The following ASIP variants were observed in gnomAD, a reference collection of about 807,000 sequenced individuals.
ASIP encodes the protein agouti-signaling protein.
In ASIP, 11 loss-of-function variants were observed where a neutral mutation model predicts 10.3. That is an observed-to-expected ratio of 1.07 (90% CI 0.68 to 1.78). ASIP has a LOEUF of 1.78. Among genes scored for constraint, ASIP ranks in the 40% most tolerant of loss-of-function variants. The pLI is 0.00. For synonymous variants in ASIP, 70 were observed against 70.8 expected (o/e 0.99, Z 0.06); for missense variants, 180 against 169.2 (o/e 1.06, Z -0.35).
At chr20:34,248,640 TA>T (rs571310682) in intron 1 of ASIP, among the ~76,000 whole-genome samples, 1 of 151,514 alleles carries the variant, frequency 6.6e-6, no homozygotes, top group South Asian at 2.1e-4. Flanking sequence ...TCACCTCTAC[TA>T]AAAAAATAAT....
At chr20:34,249,734 GA>G (rs1342170322) in intron 1 of ASIP, among the ~76,000 whole-genome samples, 1 of 152,112 alleles carries the variant, frequency 6.6e-6, no homozygotes, top group Non-Finnish European at 1.5e-5. Context: ...TCCCTGCACT[GA>G]AAGCCATTTA....
intron 3 of ASIP, 43 bp downstream of exon 3, chr20:34,262,936 G>A: frequency 6.2e-7 from 1 of 1,608,264 alleles, no homozygotes; most frequent in Non-Finnish European, 8.5e-7. Flanking sequence ...GTTGGGGTGA[G>A]ACTGGACTTA....
chr20:34,190,079 T>C (rs2034815912), upstream of ASIP, among the ~76,000 whole-genome samples: 1 of 152,178 alleles, frequency 6.6e-6, no homozygotes, highest in African/African-American at 2.4e-5. Flanking sequence ...TCTTCACCAA[T>C]AGCCTAGGCA....
At chr20:34,227,399 G>A (rs529354141) in intron 1 of ASIP, among the ~76,000 whole-genome samples, 12 of 152,218 alleles carry the variant, frequency 7.9e-5, no homozygotes, top group Admixed American at 2.6e-4. Flanking sequence ...TAGGGAGGCC[G>A]AGGCAGGCGG....
At chr20:34,248,540 C>T (rs536139459) in intron 1 of ASIP, among the ~76,000 whole-genome samples, 1 of 152,220 alleles carries the variant, frequency 6.6e-6, no homozygotes, top group East Asian at 1.9e-4. Context: ...CGATGGCTCA[C>T]GCTTGTAATT....
In ASIP at chr20:34,269,300, G is replaced by A. The variant is rs1211923485; in HGVS notation, c.*133G>A. Reference sequence around the variant, plus strand: ...GTTCCAGGAGATGGGACTTCAGGGAGACCTGGCTTGGGCTAAAATCGAAAT... The same window carrying A: ...GTTCCAGGAGATGGGACTTCAGGGAAACCTGGCTTGGGCTAAAATCGAAAT... On this transcript the variant is annotated 3_prime_UTR_variant, in exon 4 of 4. Transcript: ENST00000374954. The A allele has an allele frequency of 6.9e-6, 8 of 1,165,536 alleles. No individual in the cohort carries two copies. Among genetic ancestry groups the A allele is most frequent in the Non-Finnish European group, 9.2e-6 (8 of 867,860 alleles). 72.2% of individuals were successfully genotyped at this position (1,165,536 alleles called of 1,614,324 possible).
rs1225996879 is a variant in ASIP at position 34,200,984 on chromosome 20, C to T, written c.-11+6224C>T. 1.5e-3 allele frequency among the ~76,000 whole-genome samples: 73 copies of T among 49,968 alleles called. 3 individuals are homozygous for T. In the African/African-American group the frequency reaches 0.015, roughly 10 times the overall value. The allele number at this position is 49,968 out of a possible 152,430, so 32.8% of individuals were successfully genotyped here. A position where few individuals can be genotyped will look rare whatever the true frequency, so the allele number is the denominator to read the frequency against. On this transcript the variant is annotated intron_variant, in intron 1 of 3. Transcript: ENST00000568305. ...TCTTTCTTTCTTTCCTTCCTTCCTT[C>T]CTTCCTTCCTTCCTTCCTTCCTTCC...
upstream of ASIP, among the ~76,000 whole-genome samples, chr20:34,192,090 G>A (rs2034827609): frequency 6.6e-6 from 1 of 151,472 alleles, no homozygotes; most frequent in African/African-American, 2.4e-5. Context: ...TGCCCATGGT[G>A]CAATGGCCCG....
chr20:34,203,616 C>T (rs529595423), intron 1 of ASIP, among the ~76,000 whole-genome samples: 51 of 152,054 alleles, frequency 3.4e-4, no homozygotes, highest in Middle Eastern at 6.8e-3. Context: ...TGGCTGGTCT[C>T]GAACGCCTAA....
At position 34,262,833 on chromosome 20, in the gene ASIP, G is replaced by T. The variant is rs138013399; in HGVS notation, c.162G>T (p.Ala54=). ...LLDVPSVSIV[A]LNKKSKQIGR... ...TGCTCCTTTTGTCTCTCTTTGAAGC[G>T]CTGAACAAGAAATCCAAACAGATCG... The change falls in exon 3 of 4, where the codon GCG becomes GCT. Residue 54 remains alanine, a splice_region_variant and synonymous_variant. Coordinates refer to ENST00000374954, the MANE Select transcript of ASIP (RefSeq NM_001672.3). The T allele has an allele frequency of 1.9e-6, 3 of 1,613,718 alleles. No individual in the cohort carries two copies. The highest frequency in any genetic ancestry group is 1.7e-5 in the Admixed American group (1 of 59,982).
intron 3 of ASIP, among the ~76,000 whole-genome samples, chr20:34,266,180 C>T (rs759217936): frequency 2.0e-5 from 3 of 151,620 alleles, no homozygotes; most frequent in Non-Finnish European, 2.9e-5. Context: ...GGAGAAACCC[C>T]GTCTCTACTA....
chr20:34,233,097 A>G (rs539514561), intron 1 of ASIP, among the ~76,000 whole-genome samples: 2 of 143,862 alleles, frequency 1.4e-5, no homozygotes, highest in Admixed American at 1.4e-4. Flanking sequence ...CCCCACTCAC[A>G]CCAACATTTT....
intron 1 of ASIP, chr20:34,246,139 T>A: frequency 1.0e-6 from 1 of 968,500 alleles, no homozygotes; most frequent in South Asian, 1.4e-5. Context: ...TTTCAAAAGT[T>A]GCAAGGCCAC....
chr20:34,235,517 A>T (rs150988736), intron 1 of ASIP, among the ~76,000 whole-genome samples: 4 of 152,120 alleles, frequency 2.6e-5, no homozygotes, highest in Non-Finnish European at 4.4e-5. Context: ...TCTATATGGG[A>T]TATGGAGAAA....
chr20:34,252,927 C>T (rs1361789278), intron 1 of ASIP, among the ~76,000 whole-genome samples: 1 of 152,188 alleles, frequency 6.6e-6, no homozygotes. Context: ...CTGCACAGCC[C>T]TAAATCCATT....
intron 3 of ASIP, among the ~76,000 whole-genome samples, chr20:34,264,059 A>G (rs1444480582): frequency 6.6e-6 from 1 of 152,212 alleles, no homozygotes; most frequent in African/African-American, 2.4e-5. Context: ...AAAAATGAAA[A>G]AAAAGTATGT....
At chr20:34,190,355 GAA>G (rs2034817387), upstream of ASIP, among the ~76,000 whole-genome samples, 1 of 152,134 alleles carries the variant, frequency 6.6e-6, no homozygotes, top group African/African-American at 2.4e-5. Flanking sequence ...CAAAGCCCCA[GAA>G]AAATACATAA....
chr20:34,230,778 CCG>C lies in ASIP; in HGVS notation c.-10-29585_-10-29584del, dbSNP rs746060433. Among the ~76,000 whole-genome samples, 61 of 42,904 alleles carry C rather than the reference CCG, an allele frequency of 1.4e-3. 10 individuals are homozygous for C. The highest frequency in any genetic ancestry group is 4.1e-3 in the Admixed American group (18 of 4,348). 28.1% of individuals were successfully genotyped at this position (42,904 alleles called of 152,430 possible). A position where few individuals can be genotyped will look rare whatever the true frequency, so the allele number is the denominator to read the frequency against. On this transcript the variant is annotated intron_variant, in intron 1 of 3. Transcript: ENST00000568305. ...GCTGGCCTGGCCGGGGCTGACCCCCCCGCACCTCCCTCCCGGACGGGGTGGCT... is the reference window on the plus strand; with the variant it reads ...GCTGGCCTGGCCGGGGCTGACCCCCCCACCTCCCTCCCGGACGGGGTGGCT...
chr20:34,259,857 G>C (rs962656600), intron 1 of ASIP, among the ~76,000 whole-genome samples: 2 of 152,106 alleles, frequency 1.3e-5, no homozygotes, highest in South Asian at 4.1e-4. Context: ...CGTTCTCTCT[G>C]GGTTTGGGAA....
Sources: gnomAD v4.1 joint callset for allele counts (sites outside exome capture counted in the v4.1 genomes callset) on GRCh38, gnomAD v4.1.1 for gene constraint, MANE v1.5 for transcripts, NCBI Gene and HGNC (gene_info 2026-07-23, HGNC 2026-07-21) for gene names.